Variants in LARGE1 observed in about 807,000 individuals in gnomAD.
LARGE1 encodes the protein xylosyl- and glucuronyltransferase LARGE1.
LARGE1 carries 43 observed loss-of-function variants against 87.6 expected under a neutral mutation model. That is an observed-to-expected ratio of 0.49 (90% CI 0.38 to 0.63). The LOEUF is 0.63. LARGE1 is among the 30% of genes least tolerant of loss of function. LARGE1 has a pLI of 0.00. For synonymous variants in LARGE1, 434 were observed against 394.6 expected (o/e 1.10, Z -1.18); for missense variants, 802 against 1,000.2 (o/e 0.80, Z 2.67).
chr22:33,608,446 T>G (rs2079329084), intron 4 of LARGE1, among the ~76,000 whole-genome samples: 1 of 152,136 alleles, frequency 6.6e-6, no homozygotes, highest in African/African-American at 2.4e-5. Context: ...CCTCGTGTCT[T>G]TCTTCTGCTA....
At chr22:33,894,670 T>C (rs1704699059) in intron 1 of LARGE1, among the ~76,000 whole-genome samples, 1 of 151,632 alleles carries the variant, frequency 6.6e-6, no homozygotes, top group African/African-American at 2.4e-5. Flanking sequence ...GGCTTTGGAG[T>C]TCTCATCCTT....
At chr22:33,092,246 G>A in the LARGE1 span, among the ~76,000 whole-genome samples, 1 of 149,894 alleles carries the variant, frequency 6.7e-6, no homozygotes, top group East Asian at 1.9e-4. Context: ...AATCTCCAGG[G>A]CTTTTTTTTT....
chr22:33,344,208 G>A (rs140078990), intron 9 of LARGE1, among the ~76,000 whole-genome samples: 14,535 of 152,116 alleles, frequency 0.096, 804 homozygotes, highest in South Asian at 0.16. Flanking sequence ...CAATCAAGTT[G>A]ACACTCAGTT....
At chr22:33,512,346 A>T (rs2071094196) in intron 6 of LARGE1, among the ~76,000 whole-genome samples, 1 of 152,260 alleles carries the variant, frequency 6.6e-6, no homozygotes, top group African/African-American at 2.4e-5. Flanking sequence ...CTTTTAAAAA[A>T]TTATGATTTA....
At chr22:33,829,006 CTTTTTTTTTTTTT>C (rs776583343) in intron 1 of LARGE1, among the ~76,000 whole-genome samples, 2 of 94,792 alleles carry the variant, frequency 2.1e-5, no homozygotes, top group African/African-American at 7.5e-5. Context: ...GTCTCTTTTT[CTTTTTTTTTTTTT>C]TTTTTTTTTG....
intron 5 of LARGE1, among the ~76,000 whole-genome samples, chr22:33,568,225 T>C (rs2078085238): frequency 6.6e-6 from 1 of 152,118 alleles, no homozygotes; most frequent in African/African-American, 2.4e-5. Flanking sequence ...TGGCAACGCA[T>C]AAGCCAGAAC....
the LARGE1 span, among the ~76,000 whole-genome samples, chr22:33,119,762 A>C: frequency 5.3e-5 from 8 of 151,794 alleles, no homozygotes; most frequent in African/African-American, 1.9e-4. Context: ...TGCCCACTTA[A>C]TTTTTTCAAG....
intron 6 of LARGE1, among the ~76,000 whole-genome samples, chr22:33,555,695 G>C (rs921336423): frequency 7.9e-5 from 12 of 152,038 alleles, no homozygotes; most frequent in African/African-American, 2.9e-4. Flanking sequence ...TTGGGTGGCC[G>C]AGACAGGAGG....
chr22:33,718,419 G>T (rs1368455607), intron 2 of LARGE1, among the ~76,000 whole-genome samples: 1 of 152,222 alleles, frequency 6.6e-6, no homozygotes, highest in East Asian at 1.9e-4. Context: ...AAGAAAATAG[G>T]ACAGGAGGCT....
At chr22:33,221,605 C>T (rs925503696) in intron 11 of LARGE1, 5 of 152,200 alleles carry the variant, frequency 3.3e-5, no homozygotes, top group African/African-American at 9.6e-5. Flanking sequence ...TCCTTACCCC[C>T]AAAAGATGGA....
chr22:33,378,858 A>C (rs1569109231), intron 9 of LARGE1, among the ~76,000 whole-genome samples: 1 of 152,162 alleles, frequency 6.6e-6, no homozygotes, highest in Non-Finnish European at 1.5e-5. Flanking sequence ...AAGGATTCCT[A>C]TGATCCCCTC....
intron 4 of LARGE1, 104 bp downstream of exon 4, chr22:33,626,140 G>A (rs1318920038): frequency 2.2e-6 from 2 of 917,656 alleles, no homozygotes; most frequent in Non-Finnish European, 3.6e-6. Flanking sequence ...ATGGCAGCTA[G>A]AATGATTGAT....
chr22:33,709,873 C>T (rs751316239), intron 2 of LARGE1, among the ~76,000 whole-genome samples: 1 of 151,514 alleles, frequency 6.6e-6, no homozygotes, highest in Non-Finnish European at 1.5e-5. Flanking sequence ...GTGATCTGCC[C>T]GCCTCGGCCT....
chr22:33,432,020 C>T (rs1262637835), intron 7 of LARGE1, 141 bp downstream of exon 7: 4 of 720,586 alleles, frequency 5.6e-6, no homozygotes, highest in Admixed American at 2.0e-5. Flanking sequence ...GGAATGCAAA[C>T]TGCCCACAAA....
intron 10 of LARGE1, among the ~76,000 whole-genome samples, chr22:33,332,842 C>A (rs1383781152): frequency 6.6e-6 from 1 of 152,178 alleles, no homozygotes; most frequent in African/African-American, 2.4e-5. Flanking sequence ...AGGAACAGGG[C>A]TGGAGCAGTG....
intron 11 of LARGE1, among the ~76,000 whole-genome samples, chr22:33,178,855 A>G (rs1209852789): frequency 6.6e-6 from 1 of 152,196 alleles, no homozygotes; most frequent in East Asian, 1.9e-4. Flanking sequence ...ATATGTATCC[A>G]TGTCTTACTC....
chr22:33,142,327 C>A, the LARGE1 span, among the ~76,000 whole-genome samples: 1 of 152,072 alleles, frequency 6.6e-6, no homozygotes. Flanking sequence ...TTATCAAAAC[C>A]CTTGTTGGCT....
chr22:33,321,154 A>T (rs1418963780), intron 10 of LARGE1: 8 of 152,282 alleles, frequency 5.3e-5, no homozygotes, highest in Non-Finnish European at 4.4e-5. Flanking sequence ...GATGCTGCAT[A>T]TAGAGAAAAC....
the LARGE1 span, among the ~76,000 whole-genome samples, chr22:33,091,126 A>T: frequency 6.6e-6 from 1 of 151,900 alleles, no homozygotes; most frequent in Admixed American, 6.6e-5. Flanking sequence ...AAGCCGATCA[A>T]CTCCAGTTCC....
Sources: allele counts gnomAD v4.1 joint callset (sites outside exome capture counted in the v4.1 genomes callset), GRCh38; gene constraint gnomAD v4.1.1; transcripts MANE v1.5; gene names NCBI Gene and HGNC (gene_info 2026-07-23, HGNC 2026-07-21).